Variants in ARID5B observed in about 807,000 individuals in gnomAD.
ARID5B encodes AT-rich interactive domain-containing protein 5B.
Under a neutral mutation model 97.2 loss-of-function variants are expected in ARID5B, and 13 were observed. The ratio of observed to expected loss-of-function variants is 0.13; its 90% CI spans 0.09 to 0.21. The LOEUF (loss-of-function observed/expected upper bound fraction) is 0.21, where lower values mean the gene tolerates loss of function less well. Ranked by LOEUF, ARID5B falls within the 10% of genes least tolerant of loss-of-function variation. The probability of loss-of-function intolerance (pLI) is 1.00; values close to 1 mark genes in which losing one functional copy is unlikely to be tolerated. For missense variants in ARID5B, 1,210 were observed against 1,465.3 expected, an observed-to-expected ratio of 0.83 and a Z score of 2.84; for synonymous variants, 556 against 570.3, an observed-to-expected ratio of 0.97 and a Z score of 0.36.
chr10:61,992,668 T>C (rs913972657), intron 3 of ARID5B, among the ~76,000 whole-genome samples: 15 of 152,232 alleles, frequency 9.9e-5, no homozygotes, highest in Non-Finnish European at 1.6e-4. Context: ...TGTTTCCATT[T>C]AGCAAAACAA....
At chr10:61,985,473 T>A (rs986063178) in intron 3 of ARID5B, among the ~76,000 whole-genome samples, 5 of 152,038 alleles carry the variant, frequency 3.3e-5, no homozygotes, top group African/African-American at 4.8e-5. Flanking sequence ...CCTTTTTTTT[T>A]AACCACATAT....
At chr10:61,997,079 C>A (rs1839009677) in intron 3 of ARID5B, among the ~76,000 whole-genome samples, 1 of 151,938 alleles carries the variant, frequency 6.6e-6, no homozygotes, top group Non-Finnish European at 1.5e-5. Flanking sequence ...CTCGATGGCA[C>A]AGTATCTGAT....
intron 3 of ARID5B, among the ~76,000 whole-genome samples, chr10:61,978,757 T>G (rs575627536): frequency 6.6e-6 from 1 of 152,362 alleles, no homozygotes; most frequent in African/African-American, 2.4e-5. Context: ...AAGGGGATTT[T>G]GGGCTGAGAC....
intron 4 of ARID5B, among the ~76,000 whole-genome samples, chr10:62,042,914 CAAAAAAAA>C (rs34887438): frequency 8.2e-6 from 1 of 121,308 alleles, no homozygotes; most frequent in South Asian, 2.8e-4. Context: ...GAGTCTGTCC[CAAAAAAAA>C]AAAAAAAAAA....
chr10:62,029,882 C>CGA (rs1839472752), intron 4 of ARID5B, among the ~76,000 whole-genome samples: 1 of 152,136 alleles, frequency 6.6e-6, no homozygotes, highest in African/African-American at 2.4e-5. Context: ...TCTCCTTTAA[C>CGA]GATGTGGGGG....
rs765012710 is a variant in ARID5B at position 62,092,719 on chromosome 10, C to T, written c.3256C>T (p.Leu1086=). 6.2e-7 allele frequency: 1 copy of T among 1,614,150 alleles called. No homozygotes were observed. Among genetic ancestry groups the T allele is most frequent in the African/African-American group, 1.3e-5 (1 of 75,044 alleles). Residue 1086 remains leucine, a synonymous_variant, in exon 10 of 10, where the codon CTG becomes TTG. Transcript: ENST00000279873. ...PIFPGLYSGS[L]CNSGLNSRLP... ...CTTCCCAGGTCTGTATTCCGGGAGC[C>T]TGTGTAACTCGGGCCTCAACTCCAG...
chr10:62,073,518 C>T (rs1223390774), intron 8 of ARID5B, among the ~76,000 whole-genome samples: 1 of 152,170 alleles, frequency 6.6e-6, no homozygotes, highest in Non-Finnish European at 1.5e-5. Flanking sequence ...TCACTGAAGG[C>T]CTGACTCGTA....
At chr10:61,975,998 C>T (rs1045888821) in intron 3 of ARID5B, among the ~76,000 whole-genome samples, 6 of 152,172 alleles carry the variant, frequency 3.9e-5, no homozygotes, top group African/African-American at 1.4e-4. Context: ...GTTCCTTAAG[C>T]ATTTATTAGA....
chr10:61,989,016 G>A (rs1254050227), intron 3 of ARID5B, among the ~76,000 whole-genome samples: 2 of 137,956 alleles, frequency 1.4e-5, no homozygotes, highest in East Asian at 4.2e-4. Flanking sequence ...CGCAACCTCT[G>A]CCTCCTGGGT....
chr10:61,906,943 A>G (rs1039696021), intron 2 of ARID5B, among the ~76,000 whole-genome samples: 2 of 152,266 alleles, frequency 1.3e-5, no homozygotes, highest in Admixed American at 1.3e-4. Context: ...GCATATGCCC[A>G]AAGTTGACAC....
chr10:62,072,120 G>A (rs1840073113), intron 8 of ARID5B, among the ~76,000 whole-genome samples: 1 of 152,146 alleles, frequency 6.6e-6, no homozygotes, highest in Non-Finnish European at 1.5e-5. Context: ...TCAGAGCTGG[G>A]GTTCAGGTCC....
chr10:62,020,844 C>T (rs532875960), intron 4 of ARID5B, among the ~76,000 whole-genome samples: 12 of 151,336 alleles, frequency 7.9e-5, no homozygotes, highest in African/African-American at 1.9e-4. Flanking sequence ...GTGAAAGGAG[C>T]GGTTATTGGG....
At chr10:61,966,171 T>C (rs1234386314) in intron 3 of ARID5B, among the ~76,000 whole-genome samples, 1 of 152,202 alleles carries the variant, frequency 6.6e-6, no homozygotes, top group African/African-American at 2.4e-5. Flanking sequence ...TGTCACTGGT[T>C]GTATACAATG....
At chr10:62,048,067 C>T (rs1839734899) in intron 4 of ARID5B, among the ~76,000 whole-genome samples, 1 of 152,138 alleles carries the variant, frequency 6.6e-6, no homozygotes, top group African/African-American at 2.4e-5. Context: ...ACTCAAGTCA[C>T]CAGTTTATGT....
chr10:62,008,748 T>C (rs1210034839), intron 4 of ARID5B, among the ~76,000 whole-genome samples: 1 of 152,140 alleles, frequency 6.6e-6, no homozygotes, highest in Non-Finnish European at 1.5e-5. Context: ...GAAATGAGGA[T>C]AGGGCTCTTT....
intron 6 of ARID5B, among the ~76,000 whole-genome samples, chr10:62,057,962 C>T (rs117092534): frequency 1.9e-3 from 285 of 152,150 alleles, no homozygotes; most frequent in Non-Finnish European, 3.3e-3. Context: ...ATTTTGCAAC[C>T]GAATATATAT....
intron 2 of ARID5B, among the ~76,000 whole-genome samples, chr10:61,911,951 G>A (rs568296418): frequency 3.8e-4 from 58 of 152,188 alleles, no homozygotes; most frequent in Non-Finnish European, 7.2e-4. Context: ...GTTTCTAACC[G>A]CCTACCCCAA....
chr10:62,042,552 G>T (rs1009607690), intron 4 of ARID5B, among the ~76,000 whole-genome samples: 12 of 152,120 alleles, frequency 7.9e-5, no homozygotes, highest in African/African-American at 2.9e-4. Context: ...TAGCACCACC[G>T]CCACACCCTT....
At chr10:62,013,014 T>C (rs1309078942) in intron 4 of ARID5B, among the ~76,000 whole-genome samples, 1 of 152,322 alleles carries the variant, frequency 6.6e-6, no homozygotes, top group Middle Eastern at 3.4e-3. Flanking sequence ...AGGAATCTCT[T>C]ATTGCCAAGA....
Sources: gnomAD v4.1 joint callset for allele counts (sites outside exome capture counted in the v4.1 genomes callset) on GRCh38, gnomAD v4.1.1 for gene constraint, MANE v1.5 for transcripts, NCBI Gene and HGNC (gene_info 2026-07-23, HGNC 2026-07-21) for gene names.